The following SAV1 variants were observed in gnomAD, a reference collection of about 807,000 sequenced individuals.
The protein encoded by SAV1 is salvador family WW domain containing protein 1.
A neutral mutation model predicts 47.3 loss-of-function variants in SAV1; 23 were observed. The ratio of observed to expected loss-of-function variants is 0.49; its 90% CI spans 0.35 to 0.69. The LOEUF is 0.69. Among genes scored for constraint, SAV1 ranks in the 30% least tolerant of loss-of-function variants. The probability of loss-of-function intolerance (pLI) is 0.01; values close to 1 mark genes in which losing one functional copy is unlikely to be tolerated. For synonymous variants in SAV1, 155 were observed against 159.2 expected (o/e 0.97, Z 0.20); for missense variants, 448 against 457.4 (o/e 0.98, Z 0.19).
chr14:50,664,852 T>G, intron 2 of SAV1: 1 of 173,416 alleles, frequency 5.8e-6, no homozygotes, highest in Non-Finnish European at 1.2e-5. Context: ...TTCCCATTAT[T>G]CTACCAAACC....
chr14:50,643,076 C>G (rs1264594394), intron 3 of SAV1, among the ~76,000 whole-genome samples: 1 of 152,166 alleles, frequency 6.6e-6, no homozygotes, highest in Non-Finnish European at 1.5e-5. Flanking sequence ...AAGGATTGGC[C>G]TAAGATAGAC....
chr14:50,651,312 A>G (rs533710179), intron 2 of SAV1, among the ~76,000 whole-genome samples: 62 of 152,370 alleles, frequency 4.1e-4, no homozygotes, highest in Middle Eastern at 3.4e-3. Context: ...TGTAATTTGT[A>G]TCTATTTTCA....
chr14:50,649,767 A>G (rs544396039), intron 2 of SAV1, among the ~76,000 whole-genome samples: 23 of 152,368 alleles, frequency 1.5e-4, no homozygotes, highest in African/African-American at 5.0e-4. Flanking sequence ...TGAAAGGTAC[A>G]AGGATACAGC....
intron 2 of SAV1, among the ~76,000 whole-genome samples, chr14:50,650,430 T>C (rs139568352): frequency 6.6e-6 from 1 of 152,336 alleles, no homozygotes; most frequent in African/African-American, 2.4e-5. Context: ...CCACCATATA[T>C]ACATATATGT....
In SAV1 at chr14:50,653,911, T is replaced by C. The variant is rs139792597; in HGVS notation, c.536-8897A>G. Among the ~76,000 whole-genome samples the C allele has an allele frequency of 3.6e-3, 554 of 152,198 alleles. 4 individuals carry two copies. The highest frequency in any genetic ancestry group is 0.013 in the African/African-American group (530 of 41,518). On this transcript the variant is annotated intron_variant, in intron 2 of 4. Coordinates refer to ENST00000324679, the MANE Select transcript of SAV1 (RefSeq NM_021818.4). The stretch of plus-strand genomic sequence containing the variant: ...TATTTTACAATATATTGCAGTCTAT[T>C]AAGTGTGCAATAGCATTATATCTTT...
intron 2 of SAV1, among the ~76,000 whole-genome samples, chr14:50,646,110 G>A (rs75349341): frequency 0.026 from 4,015 of 152,146 alleles, 189 homozygotes; most frequent in African/African-American, 0.091. Context: ...AAGACCTCCC[G>A]TAGATGCCTG....
chr14:50,661,809 A>G (rs1464543319), intron 2 of SAV1, among the ~76,000 whole-genome samples: 1 of 152,190 alleles, frequency 6.6e-6, no homozygotes, highest in African/African-American at 2.4e-5. Context: ...TTTCTATACC[A>G]ATACCATATT....
At position 50,634,357 on chromosome 14, in the gene SAV1, T is replaced by G. The variant is rs1020426573; in HGVS notation, c.*826A>C. On this transcript the variant is annotated 3_prime_UTR_variant, in exon 5 of 5. Transcript: ENST00000324679. ...TATTTTGTTTTTATTTTTTTATTTT[T>G]TATTTTTTGAGACAAGGTCTGGCTC... 5 of 298,814 alleles carry G rather than the reference T, an allele frequency of 1.7e-5. No individual in the cohort carries two copies. The highest frequency in any genetic ancestry group is 1.6e-4 in the Admixed American group (4 of 25,326). 18.5% of individuals were successfully genotyped at this position (298,814 alleles called of 1,614,324 possible). A position where few individuals can be genotyped will look rare whatever the true frequency, so the allele number is the denominator to read the frequency against.
rs1235087628 is a variant in SAV1 at position 50,655,641 on chromosome 14, G to A, written c.535+9538C>T. 2.6e-5 allele frequency among the ~76,000 whole-genome samples: 4 copies of A among 151,902 alleles called. No individual in the cohort carries two copies. The East Asian group carries it at 7.8e-4, about 30-fold the overall frequency. On this transcript the variant is annotated intron_variant, in intron 2 of 4. Transcript: ENST00000324679. The stretch of plus-strand genomic sequence containing the variant: ...GGGTTTCACCGTGTTGGTCAGGCTG[G>A]TCTCCAACTCCTGACCTTAGGTGAT...
chr14:50,663,880 T>TAC (rs1016172254), intron 2 of SAV1, among the ~76,000 whole-genome samples: 35 of 152,322 alleles, frequency 2.3e-4, no homozygotes, highest in African/African-American at 8.4e-4. Flanking sequence ...CACTCAACCT[T>TAC]ACATCTTATT....
rs1055630131 is a variant in SAV1 at position 50,634,048 on chromosome 14, AT to A, written c.*1134del. 4.1e-4 allele frequency: 118 copies of A among 291,234 alleles called. No homozygotes were observed. Among genetic ancestry groups the A allele is most frequent in the East Asian group, 9.0e-4 (10 of 11,132 alleles). The allele number at this position is 291,234 out of a possible 1,614,324, so 18.0% of individuals were successfully genotyped here. On this transcript the variant is annotated 3_prime_UTR_variant, in exon 5 of 5. Coordinates refer to ENST00000324679, the MANE Select transcript of SAV1 (RefSeq NM_021818.4). Reference sequence around the variant, plus strand: ...TATACATTCGATTTAATGACCAAAAATTTTTTTTGAATCCCTGGTTGTCATT... The same window carrying A: ...TATACATTCGATTTAATGACCAAAAATTTTTTTGAATCCCTGGTTGTCATT...
At chr14:50,658,304 C>T (rs1050745036) in intron 2 of SAV1, among the ~76,000 whole-genome samples, 14 of 152,206 alleles carry the variant, frequency 9.2e-5, no homozygotes, top group African/African-American at 2.2e-4. Flanking sequence ...AAAATGTTTT[C>T]GAGACAGAAC....
chr14:50,654,896 T>C (rs1170185295), intron 2 of SAV1, among the ~76,000 whole-genome samples: 3 of 152,188 alleles, frequency 2.0e-5, no homozygotes, highest in Non-Finnish European at 2.9e-5. Context: ...GTACACAACA[T>C]TATCTATGCA....
chr14:50,661,302 G>A (rs939211548), intron 2 of SAV1, among the ~76,000 whole-genome samples: 3 of 151,960 alleles, frequency 2.0e-5, no homozygotes, highest in African/African-American at 7.3e-5. Context: ...CTTTTTAATG[G>A]GGTTGTTTTT....
chr14:50,654,429 ACAT>A (rs1208871495), intron 2 of SAV1, among the ~76,000 whole-genome samples: 4 of 152,262 alleles, frequency 2.6e-5, no homozygotes, highest in Admixed American at 6.5e-5. Context: ...CAATGCAGTC[ACAT>A]CATCAGGCTC....
At chr14:50,637,659 TGTCA>T (rs1460358631) in intron 4 of SAV1, 2 of 139,572 alleles carry the variant, frequency 1.4e-5, no homozygotes, top group African/African-American at 2.6e-5. Context: ...CAAACAATTT[TGTCA>T]GTTTTTTTTT....
At chr14:50,666,284 G>C (rs1051642517) in intron 1 of SAV1, among the ~76,000 whole-genome samples, 1 of 152,152 alleles carries the variant, frequency 6.6e-6, no homozygotes, top group African/African-American at 2.4e-5. Context: ...AACCAAGCCT[G>C]AAACTATGTA....
intron 3 of SAV1, among the ~76,000 whole-genome samples, chr14:50,641,903 G>A (rs535135051): frequency 6.6e-6 from 1 of 152,242 alleles, no homozygotes; most frequent in East Asian, 1.9e-4. Context: ...AAAGAAACAC[G>A]TGTGCACATG....
At chr14:50,660,778 T>C (rs961625242) in intron 2 of SAV1, among the ~76,000 whole-genome samples, 1 of 152,162 alleles carries the variant, frequency 6.6e-6, no homozygotes, top group African/African-American at 2.4e-5. Flanking sequence ...ACCTCTGCTA[T>C]CATTCTATCT....
Sources: allele counts gnomAD v4.1 joint callset (sites outside exome capture counted in the v4.1 genomes callset), GRCh38; gene constraint gnomAD v4.1.1; transcripts MANE v1.5; gene names NCBI Gene and HGNC (gene_info 2026-07-23, HGNC 2026-07-21).